MEIS2: variants seen among roughly 807,000 people sequenced by gnomAD.
MEIS2 encodes the protein Meis homeobox 2.
Under a neutral mutation model 58.6 loss-of-function variants are expected in MEIS2, and 9 were observed. The observed-to-expected ratio is 0.15, with a 90% CI of 0.09 to 0.27. The LOEUF (loss-of-function observed/expected upper bound fraction) is 0.27, where lower values mean the gene tolerates loss of function less well. Ranked by LOEUF, MEIS2 falls within the 10% of genes least tolerant of loss-of-function variation. The pLI is 1.00. For missense variants in MEIS2, 427 were observed against 635.0 expected (o/e 0.67, Z 3.52); for synonymous variants, 221 against 228.4 (o/e 0.97, Z 0.29).
chr15:36,920,359 T>A (rs2057455071), intron 9 of MEIS2, among the ~76,000 whole-genome samples: 1 of 152,114 alleles, frequency 6.6e-6, no homozygotes, highest in Non-Finnish European at 1.5e-5. Flanking sequence ...ATTGGTCAGG[T>A]TGGTCTCGAA....
At position 37,002,841 on chromosome 15, in the gene MEIS2, T is replaced by C. The variant is rs553685449; in HGVS notation, c.900+33973A>G. Among the ~76,000 whole-genome samples the C allele has an allele frequency of 2.0e-4, 31 of 152,232 alleles. 1 individual carries two copies. In the South Asian group the frequency reaches 6.4e-3, roughly 32 times the overall value. ...AGGCTGTTTGGAGTGAAAACTAAAG[T>C]TTTTATTCTTTTTATTTTATTTGCT... On this transcript the variant is annotated intron_variant, in intron 8 of 11. Coordinates refer to ENST00000561208, the MANE Select transcript of MEIS2 (RefSeq NM_170675.5).
intron 10 of MEIS2, among the ~76,000 whole-genome samples, chr15:36,896,285 C>G (rs2056171924): frequency 6.6e-6 from 1 of 152,152 alleles, no homozygotes; most frequent in African/African-American, 2.4e-5. Flanking sequence ...CACCAAGGAG[C>G]TGTGGGTAAC....
At position 36,959,727 on chromosome 15, in the gene MEIS2, T is replaced by C. The variant is rs1474085562; in HGVS notation, c.901-9327A>G. 7.9e-5 allele frequency among the ~76,000 whole-genome samples: 12 copies of C among 152,128 alleles called. 1 individual carries two copies. Among genetic ancestry groups the C allele is most frequent in the South Asian group, 4.1e-4 (2 of 4,836 alleles). On this transcript the variant is annotated intron_variant, in intron 8 of 11. Transcript: ENST00000561208. ...ATACATGTAAAGAACTGGGAAGAAA[T>C]GGCAAATCCAGATGGTGACAATGAC...
At chr15:37,095,533 C>T in intron 4 of MEIS2, 31 bp downstream of exon 4, 1 of 1,614,108 alleles carries the variant, frequency 6.2e-7, no homozygotes, top group Non-Finnish European at 8.5e-7. Context: ...AGGGCAAAGG[C>T]TGGGGAAAAA....
chr15:37,011,476 G>A (rs911835648), intron 8 of MEIS2, among the ~76,000 whole-genome samples: 2 of 152,128 alleles, frequency 1.3e-5, no homozygotes, highest in African/African-American at 4.8e-5. Flanking sequence ...CTTGATTAAT[G>A]AAAGTGTGTA....
intron 9 of MEIS2, chr15:36,897,791 C>G (rs1429927053): frequency 6.6e-6 from 1 of 152,154 alleles, no homozygotes; most frequent in Non-Finnish European, 1.5e-5. Flanking sequence ...GTCAATATTT[C>G]CAGTTTCAGA....
chr15:36,910,640 C>G (rs897988023), intron 9 of MEIS2, among the ~76,000 whole-genome samples: 5 of 152,162 alleles, frequency 3.3e-5, no homozygotes, highest in African/African-American at 1.2e-4. Flanking sequence ...AGATGAAGAA[C>G]CACTTGTAGG....
rs888898731 is a variant in MEIS2 at position 37,098,289 on chromosome 15, G to A, written c.13-90C>T. On this transcript the variant is annotated intron_variant, in intron 1 of 11. Coordinates refer to ENST00000561208, the MANE Select transcript of MEIS2 (RefSeq NM_170675.5). ...AAGGGAAAAAGAGCAGGGAGAAGAG[G>A]GCGAACAGAAAAGAGAGGAAGGGAT... 16 of 1,423,198 alleles carry A rather than the reference G, an allele frequency of 1.1e-5. No homozygotes were observed. The African/African-American group carries it at 1.5e-4, about 13-fold the overall frequency. 88.2% of individuals were successfully genotyped at this position (1,423,198 alleles called of 1,614,324 possible). A position where few individuals can be genotyped will look rare whatever the true frequency, so the allele number is the denominator to read the frequency against.
intron 9 of MEIS2, among the ~76,000 whole-genome samples, chr15:36,903,370 C>G (rs1191643511): frequency 1.3e-5 from 2 of 152,166 alleles, no homozygotes; most frequent in African/African-American, 4.8e-5. Context: ...GATCTATCCT[C>G]TTAAAGATAA....
chr15:36,946,560 T>C (rs1408956824), intron 9 of MEIS2, among the ~76,000 whole-genome samples: 1 of 152,026 alleles, frequency 6.6e-6, no homozygotes, highest in Non-Finnish European at 1.5e-5. Context: ...GAAATCTCCA[T>C]TCCTATTTGT....
chr15:37,045,939 T>A (rs1292650544), intron 7 of MEIS2, among the ~76,000 whole-genome samples: 1 of 152,172 alleles, frequency 6.6e-6, no homozygotes, highest in Non-Finnish European at 1.5e-5. Flanking sequence ...TCGGCTTACC[T>A]CAGGCTTCCC....
intron 8 of MEIS2, among the ~76,000 whole-genome samples, chr15:37,008,900 C>A (rs1452469583): frequency 6.6e-6 from 1 of 152,148 alleles, no homozygotes; most frequent in Non-Finnish European, 1.5e-5. Context: ...AACCCTAAAC[C>A]AGTAAACATA....
intron 8 of MEIS2, among the ~76,000 whole-genome samples, chr15:36,978,955 T>C (rs936741858): frequency 6.6e-6 from 1 of 152,182 alleles, no homozygotes; most frequent in African/African-American, 2.4e-5. Flanking sequence ...CATTAACTTT[T>C]AAGAAAATTA....
intron 1 of MEIS2, chr15:37,098,510 G>T (rs1195186535): frequency 1.5e-6 from 1 of 655,554 alleles, no homozygotes; most frequent in East Asian, 4.1e-5. Flanking sequence ...CAAAACAACG[G>T]AGTTAAAAGT....
intron 8 of MEIS2, among the ~76,000 whole-genome samples, chr15:36,992,996 A>T (rs1436095751): frequency 3.9e-5 from 6 of 152,182 alleles, no homozygotes; most frequent in Admixed American, 3.9e-4. Flanking sequence ...ACAAATAATG[A>T]AAAGTTAAAT....
chr15:36,926,575 C>T (rs889152973), intron 9 of MEIS2, among the ~76,000 whole-genome samples: 4 of 152,144 alleles, frequency 2.6e-5, no homozygotes, highest in Non-Finnish European at 5.9e-5. Flanking sequence ...CCATCCAGAC[C>T]TGAAGATTTA....
intron 7 of MEIS2, among the ~76,000 whole-genome samples, chr15:37,055,535 C>A (rs1201398390): frequency 2.6e-5 from 4 of 152,126 alleles, no homozygotes; most frequent in Non-Finnish European, 4.4e-5. Context: ...ACTGCCACAG[C>A]CACCACCACC....
intron 1 of MEIS2, 79 bp from the exon 2 acceptor site, chr15:37,098,278 A>C: frequency 7.1e-7 from 1 of 1,412,288 alleles, no homozygotes; most frequent in East Asian, 2.7e-5. Flanking sequence ...GAAAAAGAGC[A>C]GGGAGAAGAG....
At chr15:37,061,902 A>T (rs1889265940) in intron 7 of MEIS2, among the ~76,000 whole-genome samples, 1 of 152,134 alleles carries the variant, frequency 6.6e-6, no homozygotes, top group South Asian at 2.1e-4. Flanking sequence ...AAACTGTTTG[A>T]AAAAAGCAAG....
Sources: allele counts gnomAD v4.1 joint callset (sites outside exome capture counted in the v4.1 genomes callset), GRCh38; gene constraint gnomAD v4.1.1; transcripts MANE v1.5; gene names NCBI Gene and HGNC (gene_info 2026-07-23, HGNC 2026-07-21).